FAM98B: variants seen among roughly 807,000 people sequenced by gnomAD.
FAM98B encodes tRNA-splicing ligase complex subunit FAM98B.
FAM98B carries 32 observed loss-of-function variants against 43.9 expected under a neutral mutation model. That is an observed-to-expected ratio of 0.73 (90% CI 0.55 to 0.98). The LOEUF (loss-of-function observed/expected upper bound fraction) is 0.98. FAM98B is among the 50% of genes least tolerant of loss of function. FAM98B has a pLI of 0.00. For missense variants in FAM98B, 514 were observed against 522.9 expected (o/e 0.98, Z 0.17); for synonymous variants, 190 against 174.0 (o/e 1.09, Z -0.72).
chr15:38,476,583 T>G (rs551150341), intron 6 of FAM98B, among the ~76,000 whole-genome samples: 10 of 152,194 alleles, frequency 6.6e-5, no homozygotes, highest in African/African-American at 2.4e-4. Context: ...TATTTTATAC[T>G]TGGTGTTGAA....
intron 1 of FAM98B, 48 bp from the exon 2 acceptor site, chr15:38,463,984 T>C (rs1889989908): frequency 6.5e-7 from 1 of 1,535,634 alleles, no homozygotes; most frequent in Admixed American, 2.0e-5. Flanking sequence ...GAGGTTTTTT[T>C]GTTTGATTGG....
At chr15:38,462,329 A>G (rs982726169) in intron 1 of FAM98B, among the ~76,000 whole-genome samples, 2 of 152,198 alleles carry the variant, frequency 1.3e-5, no homozygotes, top group East Asian at 1.9e-4. Flanking sequence ...TAAAATTGCA[A>G]ACTAGATTTT....
chr15:38,482,816 C>T (rs1595805183), intron 7 of FAM98B: 2 of 152,188 alleles, frequency 1.3e-5, no homozygotes, highest in Admixed American at 6.5e-5. Flanking sequence ...TTCCTCTGCT[C>T]ATGGCATATA....
chr15:38,457,176 T>C (rs1444634207), intron 1 of FAM98B, among the ~76,000 whole-genome samples: 1 of 152,152 alleles, frequency 6.6e-6, no homozygotes, highest in Non-Finnish European at 1.5e-5. Flanking sequence ...AAGGATTCAT[T>C]TCTCTTTATT....
chr15:38,467,805 A>G (rs1248416824), intron 3 of FAM98B, among the ~76,000 whole-genome samples: 2 of 152,256 alleles, frequency 1.3e-5, no homozygotes, highest in African/African-American at 4.8e-5. Context: ...TGATGTCACT[A>G]GATAGGTAAT....
chr15:38,483,160 A>G (rs1460994197), intron 7 of FAM98B: 2 of 152,216 alleles, frequency 1.3e-5, no homozygotes, highest in African/African-American at 4.8e-5. Flanking sequence ...TTACCAAATC[A>G]ATGGCAATGG....
chr15:38,469,996 TTTAG>T (rs1314111059), intron 3 of FAM98B, among the ~76,000 whole-genome samples: 3 of 152,182 alleles, frequency 2.0e-5, no homozygotes, highest in Non-Finnish European at 2.9e-5. Context: ...TTTATATAGC[TTTAG>T]TTAGTTGTTT....
At chr15:38,483,088 G>A (rs964450910) in intron 7 of FAM98B, 1 of 152,068 alleles carries the variant, frequency 6.6e-6, no homozygotes, top group African/African-American at 2.4e-5. Context: ...CATGTTATAT[G>A]TACTTCATAC....
At chr15:38,461,728 A>G (rs1191138655) in intron 1 of FAM98B, among the ~76,000 whole-genome samples, 1 of 152,174 alleles carries the variant, frequency 6.6e-6, no homozygotes, top group East Asian at 1.9e-4. Flanking sequence ...AACATATGCA[A>G]AGATACCCTA....
At chr15:38,459,153 G>A (rs1889904594) in intron 1 of FAM98B, 1 of 348,344 alleles carries the variant, frequency 2.9e-6, no homozygotes, top group South Asian at 2.5e-5. Context: ...TGCTTGAGTG[G>A]TCTCCTCAAT....
chr15:38,454,697 G>C (rs1253371127), intron 1 of FAM98B, among the ~76,000 whole-genome samples: 1 of 152,202 alleles, frequency 6.6e-6, no homozygotes, highest in Non-Finnish European at 1.5e-5. Context: ...ACCGGAGAAA[G>C]TGTTGTAGTT....
intron 3 of FAM98B, among the ~76,000 whole-genome samples, chr15:38,466,698 C>T (rs1027290435): frequency 6.6e-5 from 10 of 151,938 alleles, no homozygotes; most frequent in African/African-American, 1.5e-4. Context: ...TGGATGGTGA[C>T]GTCATAGAAC....
At chr15:38,473,263 C>G (rs528337888) in intron 4 of FAM98B, among the ~76,000 whole-genome samples, 5 of 152,208 alleles carry the variant, frequency 3.3e-5, no homozygotes, top group South Asian at 4.1e-4. Flanking sequence ...ACTTCTTTAG[C>G]TGTCTGTGTA....
chr15:38,466,908 A>G (rs1890042746), intron 3 of FAM98B, among the ~76,000 whole-genome samples: 1 of 152,120 alleles, frequency 6.6e-6, no homozygotes. Context: ...AAATAAGATT[A>G]AGATCCTGTT....
Position 38,485,573 on chromosome 15 carries a change from A to G in FAM98B, c.*914A>G, listed in dbSNP as rs1890356412. 1.3e-5 allele frequency: 2 copies of G among 152,230 alleles called. No individual in the cohort carries two copies. The highest frequency in any genetic ancestry group is 2.9e-5 in the Non-Finnish European group (2 of 68,048). 9.4% of individuals were successfully genotyped at this position (152,230 alleles called of 1,614,324 possible). A position where few individuals can be genotyped will look rare whatever the true frequency, so the allele number is the denominator to read the frequency against. On this transcript the variant is annotated 3_prime_UTR_variant, in exon 8 of 8. Coordinates refer to ENST00000397609, the MANE Select transcript of FAM98B (RefSeq NM_173611.4). ...ATTCACAGCTAGATTTGGGAAACAC[A>G]AAGTTAGGGAATGGCTATATGTGAT...
intron 5 of FAM98B, 131 bp from the exon 6 acceptor site, chr15:38,474,051 A>G (rs1051800692): frequency 4.0e-5 from 25 of 620,140 alleles, no homozygotes; most frequent in African/African-American, 2.9e-4. Context: ...ATAAAGTCTC[A>G]TGGGAACAGA....
Position 38,486,397 on chromosome 15 carries a change from ATCT to A in FAM98B, c.*1743_*1745del, listed in dbSNP as rs1252500180. ...AAAATATTTCAAGAGTTGTTTAAAA[ATCT>A]TCTTTAAAACCTTTACATTTCTGCC... On this transcript the variant is annotated 3_prime_UTR_variant, in exon 8 of 8. Transcript: ENST00000397609. 1 of 152,152 alleles carries A rather than the reference ATCT, an allele frequency of 6.6e-6. No homozygotes were observed. Among genetic ancestry groups the A allele is most frequent in the Non-Finnish European group, 1.5e-5 (1 of 67,996 alleles). The allele number at this position is 152,152 out of a possible 1,614,324, so 9.4% of individuals were successfully genotyped here. A position where few individuals can be genotyped will look rare whatever the true frequency, so the allele number is the denominator to read the frequency against.
At chr15:38,459,319 C>T (rs2141051450) in intron 1 of FAM98B, 4 of 494,030 alleles carry the variant, frequency 8.1e-6, no homozygotes, top group South Asian at 6.0e-5. Flanking sequence ...ACTGGAGACA[C>T]TGGAGCAGAT....
At chr15:38,481,607 A>T (rs1314929401) in intron 7 of FAM98B, 148 bp downstream of exon 7, 1 of 1,593,342 alleles carries the variant, frequency 6.3e-7, no homozygotes, top group East Asian at 2.2e-5. Flanking sequence ...TAGTTATGTT[A>T]TTTTTGTGTA....
Sources: gnomAD v4.1 joint callset for allele counts (sites outside exome capture counted in the v4.1 genomes callset) on GRCh38, gnomAD v4.1.1 for gene constraint, MANE v1.5 for transcripts, NCBI Gene and HGNC (gene_info 2026-07-23, HGNC 2026-07-21) for gene names.